A2ML1: variants seen among roughly 807,000 people sequenced by gnomAD.
The protein encoded by A2ML1 is alpha-2-macroglobulin-like protein 1.
In A2ML1, 161 loss-of-function variants were observed where a neutral mutation model predicts 181.9. The ratio of observed to expected loss-of-function variants is 0.89; its 90% confidence interval spans 0.78 to 1.01. A2ML1 has a LOEUF of 1.01. Among genes scored for constraint, A2ML1 ranks in the 50% least tolerant of loss-of-function variants. The pLI, the probability that A2ML1 is intolerant of heterozygous loss-of-function variation, is 0.00. For missense variants in A2ML1, 1,670 were observed against 1,768.1 expected, an observed-to-expected ratio of 0.94 and a Z score of 1.00; for synonymous variants, 663 against 666.8, an observed-to-expected ratio of 0.99 and a Z score of 0.09.
At chr12:8,836,362 T>A (rs1351127671) in intron 7 of A2ML1, 23 bp downstream of exon 7, 15 of 1,595,506 alleles carry the variant, frequency 9.4e-6, no homozygotes, top group Admixed American at 3.3e-5. Context: ...GCTTGGGATC[T>A]GGTGGAGATT....
chr12:8,876,320 G>A lies in A2ML1; in HGVS notation c.*264G>A, dbSNP rs1944798842. The A allele has an allele frequency of 6.6e-6, 1 of 152,244 alleles. No homozygotes were observed. Among genetic ancestry groups the A allele is most frequent in the African/African-American group, 2.4e-5 (1 of 41,452 alleles). 9.4% of individuals were successfully genotyped at this position (152,244 alleles called of 1,614,324 possible). A position where few individuals can be genotyped will look rare whatever the true frequency, so the allele number is the denominator to read the frequency against. ...AAAGGTGGTTTAGCTGTTTTATTTA[G>A]CCATTCAGGGGGCTCTCCAGAGAGG... On this transcript the variant is annotated 3_prime_UTR_variant, in exon 36 of 36. Transcript: ENST00000299698.
intron 33 of A2ML1, among the ~76,000 whole-genome samples, chr12:8,873,578 T>C (rs1944700378): frequency 6.6e-6 from 1 of 151,844 alleles, no homozygotes; most frequent in Non-Finnish European, 1.5e-5. Context: ...TTCAGGTTTT[T>C]AAAAATTACA....
At chr12:8,856,810 G>T (rs941407594) in intron 23 of A2ML1, among the ~76,000 whole-genome samples, 4 of 151,306 alleles carry the variant, frequency 2.6e-5, no homozygotes, top group Non-Finnish European at 5.9e-5. Context: ...ATTGTAATGT[G>T]TTGTAATGGT....
chr12:8,828,563 G>A (rs1296337259), intron 3 of A2ML1, among the ~76,000 whole-genome samples: 2 of 152,082 alleles, frequency 1.3e-5, no homozygotes, highest in Middle Eastern at 3.2e-3. Flanking sequence ...CCCATAACTG[G>A]CGACCCCAAG....
chr12:8,869,698 G>A (rs60484706), intron 33 of A2ML1, among the ~76,000 whole-genome samples: 1 of 152,014 alleles, frequency 6.6e-6, no homozygotes, highest in African/African-American at 2.4e-5. Context: ...TGCAACTCTA[G>A]AGTATGTTAT....
At chr12:8,856,855 C>T (rs929964220) in intron 23 of A2ML1, among the ~76,000 whole-genome samples, 4 of 149,698 alleles carry the variant, frequency 2.7e-5, no homozygotes, top group Non-Finnish European at 4.4e-5. Context: ...GGGTAGAGAC[C>T]GAGTTTGATT....
Position 8,841,555 on chromosome 12 carries a change from C to T in A2ML1, c.1248+19C>T. 1 of 1,590,534 alleles carries T rather than the reference C, an allele frequency of 6.3e-7. No homozygotes were observed. Among genetic ancestry groups the T allele is most frequent in the Non-Finnish European group, 8.6e-7 (1 of 1,168,080 alleles). ...TCTGGAGGTAAGCATGGACGGAGGACCAGCTTCCTAGAAAGGAAGGCTTCC... is the reference window on the plus strand; with the variant it reads ...TCTGGAGGTAAGCATGGACGGAGGATCAGCTTCCTAGAAAGGAAGGCTTCC... On this transcript the variant is annotated intron_variant, in intron 11 of 35. Transcript: ENST00000299698.
Position 8,823,992 on chromosome 12 carries a change from G to C in A2ML1, c.409+110G>C, listed in dbSNP as rs2136699010. On this transcript the variant is annotated intron_variant, in intron 3 of 35. Transcript: ENST00000299698. ...TAGGCTTTGGAAAAAAAGGAGTGCAGAGGAGAGGAAAATCTGGGGGGATTA... is the reference window on the plus strand; with the variant it reads ...TAGGCTTTGGAAAAAAAGGAGTGCACAGGAGAGGAAAATCTGGGGGGATTA... 3 of 1,297,838 alleles carry C rather than the reference G, an allele frequency of 2.3e-6. No individual in the cohort carries two copies. In the East Asian group the frequency reaches 7.1e-5, roughly 31 times the overall value. The allele number at this position is 1,297,838 out of a possible 1,614,324, so 80.4% of individuals were successfully genotyped here.
exon 8 of A2ML1, chr12:8,886,595 C>A (rs1270507445): frequency 1.3e-5 from 2 of 152,272 alleles, no homozygotes; most frequent in East Asian, 3.9e-4. Flanking sequence ...CAGAACCACC[C>A]CCTTTCAAGA....
chr12:8,877,340 G>A (rs1160838080), downstream of A2ML1, among the ~76,000 whole-genome samples: 1 of 152,078 alleles, frequency 6.6e-6, no homozygotes, highest in African/African-American at 2.4e-5. Flanking sequence ...TGACAGATGG[G>A]ACCTACTTAA....
intron 21 of A2ML1, 151 bp downstream of exon 21, chr12:8,854,400 A>G (rs958387068): frequency 8.0e-7 from 1 of 1,257,062 alleles, no homozygotes; most frequent in Non-Finnish European, 1.1e-6. Flanking sequence ...CATTTGCCTA[A>G]TCCACACCCA....
intron 18 of A2ML1, 89 bp from the exon 19 acceptor site, chr12:8,851,695 C>T (rs1372974691): frequency 1.7e-5 from 21 of 1,254,114 alleles, no homozygotes; most frequent in Non-Finnish European, 2.3e-5. Context: ...TGTAAGCCAG[C>T]ACACCCCACC....
At chr12:8,845,629 C>A in intron 13 of A2ML1, 127 bp downstream of exon 13, 1 of 828,374 alleles carries the variant, frequency 1.2e-6, no homozygotes, top group Non-Finnish European at 1.9e-6. Context: ...GGGCGGATCA[C>A]GATGTCGGGA....
chr12:8,884,233 T>G, intron 7 of A2ML1, among the ~76,000 whole-genome samples: 1 of 144,232 alleles, frequency 6.9e-6, no homozygotes, highest in Middle Eastern at 3.5e-3. Flanking sequence ...TATTTTTTGT[T>G]TTTTTTTGTT....
intron 4 of A2ML1, chr12:8,830,901 A>G (rs1227953016): frequency 7.0e-6 from 1 of 143,214 alleles, no homozygotes; most frequent in African/African-American, 2.6e-5. Flanking sequence ...CCCATCACCT[A>G]TGGCTTTTCT....
Position 8,837,300 on chromosome 12 carries a change from G to T in A2ML1, c.729-140G>T. Reference sequence around the variant, plus strand: ...CTCCCAAAGTGCTGGGATTACAGGCGTGAGCCACTGCACTGGCCCAGATTG... The same window carrying T: ...CTCCCAAAGTGCTGGGATTACAGGCTTGAGCCACTGCACTGGCCCAGATTG... On this transcript the variant is annotated intron_variant, in intron 7 of 35. Transcript: ENST00000299698. 8.9e-6 allele frequency: 10 copies of T among 1,121,660 alleles called. No individual in the cohort carries two copies. The Admixed American group carries it at 2.2e-4, about 24-fold the overall frequency. The allele number at this position is 1,121,660 out of a possible 1,614,324, so 69.5% of individuals were successfully genotyped here.
chr12:8,857,316 C>T lies in A2ML1; in HGVS notation c.3001C>T (p.Arg1001Trp), dbSNP rs201725377. 4.3e-6 allele frequency: 7 copies of T among 1,613,956 alleles called. No individual in the cohort carries two copies. Among genetic ancestry groups the T allele is most frequent in the East Asian group, 2.2e-5 (1 of 44,880 alleles). Residue 1001 changes from arginine to tryptophan, a missense_variant, in exon 24 of 36, where the codon CGG (arginine) becomes TGG (tryptophan). Arg to Trp is a moderately radical substitution (Grantham distance 101, BLOSUM62 -3). Transcript: ENST00000299698. The stretch of plus-strand genomic sequence containing the variant: ...GCTGCTGACGGAGGAGATCAGGTCT[C>T]GGGCAGTGGGTTTCCTGGAAATAGG... The part of the protein sequence containing the change: ...AGLLTEEIRS[R>W]AVGFLEIGYQ...
chr12:8,847,714 C>G lies in A2ML1; in HGVS notation c.1833+16C>G, dbSNP rs763271045. ...CAACCGCTCTGTGAGTAACTGTCTGCTGACAGAGTGGGAGGAGGGAGTTGA... is the reference window on the plus strand; with the variant it reads ...CAACCGCTCTGTGAGTAACTGTCTGGTGACAGAGTGGGAGGAGGGAGTTGA... On this transcript the variant is annotated intron_variant, in intron 15 of 35. Transcript: ENST00000299698. The G allele has an allele frequency of 1.4e-5, 22 of 1,603,104 alleles. No individual in the cohort carries two copies. Among genetic ancestry groups the G allele is most frequent in the African/African-American group, 2.7e-5 (2 of 74,494 alleles).
At position 8,833,384 on chromosome 12, in the gene A2ML1, C is replaced by T. The variant is rs73036991; in HGVS notation, c.463-1278C>T. Among the ~76,000 whole-genome samples, 924 of 152,090 alleles carry T rather than the reference C, an allele frequency of 6.1e-3. 2 individuals are homozygous for T. Among genetic ancestry groups the T allele is most frequent in the Non-Finnish European group, 8.0e-3 (547 of 68,004 alleles). On this transcript the variant is annotated intron_variant, in intron 4 of 35. Coordinates refer to ENST00000299698, the MANE Select transcript of A2ML1 (RefSeq NM_144670.6). ...CTGTGTGAGAAAAGTACTTTGTTAT[C>T]GAAGTGTTTTTTGTTGTTGTTGTTT...
Sources: allele counts gnomAD v4.1 joint callset (sites outside exome capture counted in the v4.1 genomes callset), GRCh38; gene constraint gnomAD v4.1.1; transcripts MANE v1.5; gene names NCBI Gene and HGNC (gene_info 2026-07-23, HGNC 2026-07-21).